The following CPQ variants were observed in gnomAD, a reference collection of about 807,000 sequenced individuals.
The protein encoded by CPQ is Ser-Met dipeptidase.
CPQ carries 37 observed loss-of-function variants against 45.7 expected under a neutral mutation model. That is an observed-to-expected ratio of 0.81 (90% CI 0.62 to 1.07). The LOEUF is 1.07. CPQ is among the 50% of genes least tolerant of loss of function. The pLI, the probability that CPQ is intolerant of heterozygous loss-of-function variation, is 0.00. For synonymous variants in CPQ, 186 were observed against 205.8 expected (o/e 0.90, Z 0.82); for missense variants, 537 against 572.9 (o/e 0.94, Z 0.64).
At chr8:96,855,835 C>G (rs941105983) in intron 3 of CPQ, among the ~76,000 whole-genome samples, 3 of 152,158 alleles carry the variant, frequency 2.0e-5, no homozygotes, top group Non-Finnish European at 4.4e-5. Context: ...GGAAGTTACA[C>G]TAGATACACC....
intron 5 of CPQ, among the ~76,000 whole-genome samples, chr8:97,014,816 A>ATCT (rs888389963): frequency 3.9e-5 from 6 of 152,112 alleles, no homozygotes; most frequent in African/African-American, 1.4e-4. Flanking sequence ...CACAAGGAAA[A>ATCT]TCTTTGAAAA....
chr8:96,660,415 A>G (rs1815685886), intron 1 of CPQ, among the ~76,000 whole-genome samples: 1 of 152,172 alleles, frequency 6.6e-6, no homozygotes, highest in South Asian at 2.1e-4. Context: ...CCCATTTTCA[A>G]ATAGTCACAG....
chr8:96,656,005 C>A, intron 1 of CPQ, among the ~76,000 whole-genome samples: 1 of 152,142 alleles, frequency 6.6e-6, no homozygotes, highest in Non-Finnish European at 1.5e-5. Flanking sequence ...CAGGTGTTTG[C>A]CACCATGCCT....
intron 5 of CPQ, among the ~76,000 whole-genome samples, chr8:96,983,940 T>G (rs1295494420): frequency 6.6e-6 from 1 of 152,048 alleles, no homozygotes; most frequent in Non-Finnish European, 1.5e-5. Flanking sequence ...CAGGGAAGTT[T>G]GTCATGTTTA....
At chr8:97,015,233 A>G (rs1403267958) in intron 5 of CPQ, among the ~76,000 whole-genome samples, 1 of 152,152 alleles carries the variant, frequency 6.6e-6, no homozygotes, top group Non-Finnish European at 1.5e-5. Flanking sequence ...TTCAGAGTTC[A>G]AATCTATTAT....
chr8:96,868,617 G>T (rs1025062692), intron 3 of CPQ, among the ~76,000 whole-genome samples: 11 of 151,886 alleles, frequency 7.2e-5, no homozygotes, highest in African/African-American at 2.7e-4. Flanking sequence ...TTTTTTTAAA[G>T]TATAAACTTA....
intron 4 of CPQ, among the ~76,000 whole-genome samples, chr8:96,939,502 GT>G (rs1477013385): frequency 6.6e-6 from 1 of 152,272 alleles, no homozygotes. Context: ...TTTAAAAATA[GT>G]TTTTCCATAT....
chr8:96,652,936 A>G (rs529524934), intron 1 of CPQ, among the ~76,000 whole-genome samples: 1 of 152,088 alleles, frequency 6.6e-6, no homozygotes, highest in Admixed American at 6.5e-5. Context: ...ACCCGGCCCC[A>G]GAATTTTGTT....
intron 1 of CPQ, among the ~76,000 whole-genome samples, chr8:96,689,142 G>T (rs895254994): frequency 6.6e-6 from 1 of 152,168 alleles, no homozygotes; most frequent in Non-Finnish European, 1.5e-5. Flanking sequence ...ACCAGCCAAC[G>T]TTAAGAGAAA....
intron 1 of CPQ, among the ~76,000 whole-genome samples, chr8:96,775,870 AG>A (rs1167039429): frequency 1.3e-5 from 2 of 152,178 alleles, no homozygotes; most frequent in Non-Finnish European, 2.9e-5. Context: ...AATGGCCCCT[AG>A]GGGCAGCATC....
intron 7 of CPQ, among the ~76,000 whole-genome samples, chr8:97,095,463 C>T (rs1811195428): frequency 6.6e-6 from 1 of 152,172 alleles, no homozygotes; most frequent in African/African-American, 2.4e-5. Flanking sequence ...TTAGTTAAGG[C>T]ACTCAAAATT....
At chr8:96,945,305 T>G (rs1813175591) in intron 4 of CPQ, among the ~76,000 whole-genome samples, 1 of 152,112 alleles carries the variant, frequency 6.6e-6, no homozygotes, top group Non-Finnish European at 1.5e-5. Flanking sequence ...AACTGAGGGT[T>G]TTCTCATTTT....
chr8:96,866,821 A>G (rs1235690745), intron 3 of CPQ, among the ~76,000 whole-genome samples: 1 of 152,124 alleles, frequency 6.6e-6, no homozygotes, highest in African/African-American at 2.4e-5. Context: ...TTAATCAGTG[A>G]TGGATTTGGA....
intron 1 of CPQ, among the ~76,000 whole-genome samples, chr8:96,654,270 A>G (rs1001922526): frequency 5.9e-5 from 9 of 152,146 alleles, no homozygotes. Context: ...TTTTCCCACT[A>G]TATTTACAAT....
At chr8:97,052,539 T>C (rs1810380394) in intron 6 of CPQ, among the ~76,000 whole-genome samples, 1 of 152,140 alleles carries the variant, frequency 6.6e-6, no homozygotes, top group Non-Finnish European at 1.5e-5. Context: ...ATATATTTAA[T>C]ATTTTTTAAA....
chr8:96,896,455 C>G (rs1158883561), intron 4 of CPQ, among the ~76,000 whole-genome samples: 2 of 152,150 alleles, frequency 1.3e-5, no homozygotes, highest in Non-Finnish European at 2.9e-5. Flanking sequence ...ACTTTCCTGT[C>G]TCTGTGCCTT....
intron 1 of CPQ, among the ~76,000 whole-genome samples, chr8:96,675,187 C>T (rs1809059696): frequency 6.6e-6 from 1 of 152,016 alleles, no homozygotes; most frequent in South Asian, 2.1e-4. Flanking sequence ...TTTCCTTCTT[C>T]CTCCTTGCTC....
chr8:96,801,498 T>A (rs1053073499), intron 2 of CPQ, among the ~76,000 whole-genome samples: 1 of 152,228 alleles, frequency 6.6e-6, no homozygotes. Context: ...ATTCACTTTT[T>A]AAAAATATGT....
intron 1 of CPQ, among the ~76,000 whole-genome samples, chr8:96,675,991 A>G (rs148054950): frequency 6.7e-4 from 101 of 151,868 alleles, no homozygotes; most frequent in Admixed American, 1.9e-3. Context: ...ATTTTTTCCT[A>G]TTTTTATAGA....
Sources: allele counts gnomAD v4.1 joint callset (sites outside exome capture counted in the v4.1 genomes callset), GRCh38; gene constraint gnomAD v4.1.1; transcripts MANE v1.5; gene names NCBI Gene and HGNC (gene_info 2026-07-23, HGNC 2026-07-21).